The following EYS variants were observed in gnomAD, a reference collection of about 807,000 sequenced individuals.
EYS encodes EGF-like photoreceptor maintenance factor.
EYS carries 250 observed loss-of-function variants against 282.1 expected under a neutral mutation model. That is an observed-to-expected ratio of 0.89 (90% confidence interval 0.80 to 0.98). The LOEUF is 0.98. Ranked by LOEUF, EYS falls within the 50% of genes least tolerant of loss-of-function variation. The probability of loss-of-function intolerance (pLI) is 0.00; values close to 1 mark genes in which losing one functional copy is unlikely to be tolerated. For missense variants in EYS, 4,016 were observed against 3,709.0 expected (o/e 1.08, Z -2.15); for synonymous variants, 1,355 against 1,282.9 (o/e 1.06, Z -1.20).
chr6:65,269,068 C>A (rs1414548348), intron 12 of EYS, among the ~76,000 whole-genome samples: 1 of 152,080 alleles, frequency 6.6e-6, no homozygotes, highest in African/African-American at 2.4e-5. Context: ...CTTGTCATCA[C>A]CCTGATCATT....
intron 34 of EYS, among the ~76,000 whole-genome samples, chr6:63,991,799 C>G (rs1348127688): frequency 6.6e-6 from 1 of 151,718 alleles, no homozygotes; most frequent in Admixed American, 6.6e-5. Context: ...CACTCTGAGA[C>G]ATACTATAGC....
intron 7 of EYS, among the ~76,000 whole-genome samples, chr6:65,389,087 C>T (rs930135753): frequency 2.0e-5 from 3 of 152,120 alleles, no homozygotes; most frequent in Non-Finnish European, 4.4e-5. Context: ...TAACAGGTCT[C>T]TTTGCATGTG....
chr6:65,615,448 CTATA>C (rs1205685419), intron 2 of EYS, among the ~76,000 whole-genome samples: 4 of 149,784 alleles, frequency 2.7e-5, no homozygotes. Flanking sequence ...TATATGTACT[CTATA>C]TATTATCTAT....
chr6:64,893,204 C>G (rs1027776931), intron 18 of EYS, among the ~76,000 whole-genome samples: 1 of 152,002 alleles, frequency 6.6e-6, no homozygotes. Flanking sequence ...TTCCAGTGTT[C>G]ACTTTTGCAG....
intron 26 of EYS, among the ~76,000 whole-genome samples, chr6:64,531,632 C>T (rs950657789): frequency 1.5e-5 from 2 of 133,238 alleles, no homozygotes; most frequent in South Asian, 2.4e-4. Context: ...AGGGTTTCAC[C>T]GTGTTAGCCA....
chr6:64,846,298 G>GAT, intron 19 of EYS, among the ~76,000 whole-genome samples: 1 of 152,144 alleles, frequency 6.6e-6, no homozygotes, highest in East Asian at 1.9e-4. Flanking sequence ...GGAGAATACA[G>GAT]ATTGGTGAAG....
chr6:65,209,909 T>C (rs1766130977), intron 12 of EYS, among the ~76,000 whole-genome samples: 1 of 151,858 alleles, frequency 6.6e-6, no homozygotes, highest in African/African-American at 2.4e-5. Context: ...AGGTTGACTT[T>C]AAGAGAGTAA....
rs540364089 is a variant in EYS at position 65,306,041 on chromosome 6, C to T, written c.1767-9922G>A. The stretch of plus-strand genomic sequence containing the variant: ...CTTGATGTTGGTTTCCTTCATATCA[C>T]CTCAAGGTTTAGATTTGTGAAGGAA... On this transcript the variant is annotated intron_variant, in intron 11 of 42. Transcript: ENST00000503581. Among the ~76,000 whole-genome samples the T allele has an allele frequency of 3.3e-3, 503 of 152,226 alleles. 6 individuals carry two copies. The highest frequency in any genetic ancestry group is 0.012 in the African/African-American group (482 of 41,520).
rs188074790 is a variant in EYS at position 64,045,650 on chromosome 6, T to C, written c.6725+20688A>G. ...TTAGTAGAGACGGGGTTTCACCATG[T>C]TGGCCAGTCTAGTCTCAAACTCCTG... On this transcript the variant is annotated intron_variant, in intron 33 of 42. Coordinates refer to ENST00000503581, the MANE Select transcript of EYS (RefSeq NM_001142800.2). 6.8e-3 allele frequency among the ~76,000 whole-genome samples: 1,030 copies of C among 150,842 alleles called. 10 individuals are homozygous for C. Among genetic ancestry groups the C allele is most frequent in the African/African-American group, 0.024 (979 of 41,342 alleles).
chr6:64,095,340 T>TCATTAGACACCCC (rs1221196322), intron 31 of EYS, among the ~76,000 whole-genome samples: 14 of 152,182 alleles, frequency 9.2e-5, no homozygotes, highest in Non-Finnish European at 1.8e-4. Flanking sequence ...ATCTGTCTAA[T>TCATTAGACACCCC]GTTGACAGTG....
chr6:65,124,699 C>T (rs532937113), intron 12 of EYS, among the ~76,000 whole-genome samples: 1 of 152,222 alleles, frequency 6.6e-6, no homozygotes, highest in African/African-American at 2.4e-5. Context: ...CAGAATTACA[C>T]AAATCTTGTA....
intron 12 of EYS, among the ~76,000 whole-genome samples, chr6:65,284,076 C>A (rs1481499915): frequency 2.6e-5 from 4 of 152,066 alleles, no homozygotes; most frequent in East Asian, 1.9e-4. Context: ...GGAGCGATTG[C>A]TTTCTCACCT....
chr6:65,489,483 C>T (rs1030755811), intron 5 of EYS: 1 of 152,100 alleles, frequency 6.6e-6, no homozygotes, highest in Non-Finnish European at 1.5e-5. Flanking sequence ...ACAACAGATG[C>T]TAGAGAGGTT....
intron 22 of EYS, among the ~76,000 whole-genome samples, chr6:64,645,094 C>A (rs1400001497): frequency 6.6e-6 from 1 of 152,152 alleles, no homozygotes; most frequent in Non-Finnish European, 1.5e-5. Flanking sequence ...AGCTAAATTT[C>A]TTTGGAAAAC....
chr6:64,983,813 C>T (rs79431425), intron 14 of EYS, among the ~76,000 whole-genome samples: 3 of 151,130 alleles, frequency 2.0e-5, no homozygotes, highest in South Asian at 4.2e-4. Flanking sequence ...ATCTCCTGTA[C>T]GCTAGTCCTT....
Position 65,166,040 on chromosome 6 carries a change from TAA to T in EYS, c.2024-108315_2024-108314del, listed in dbSNP as rs1376859683. Reference sequence around the variant, plus strand: ...AAAATAAATATAATCAAAAGTAATATAAGAGCTATATACTGTAAACTACAAAC... The same window carrying T: ...AAAATAAATATAATCAAAAGTAATATGAGCTATATACTGTAAACTACAAAC... On this transcript the variant is annotated intron_variant, in intron 12 of 42. Coordinates refer to ENST00000503581, the MANE Select transcript of EYS (RefSeq NM_001142800.2). Among the ~76,000 whole-genome samples, 5 of 151,240 alleles carry T rather than the reference TAA, an allele frequency of 3.3e-5. No individual in the cohort carries two copies. In the East Asian group the frequency reaches 7.8e-4, roughly 24 times the overall value.
chr6:63,838,941 A>G (rs1771879383), intron 36 of EYS, among the ~76,000 whole-genome samples: 1 of 152,186 alleles, frequency 6.6e-6, no homozygotes, highest in Admixed American at 6.5e-5. Flanking sequence ...TTTTAAATTG[A>G]TACATGATAA....
At chr6:63,862,047 A>G (rs1348595140) in intron 36 of EYS, among the ~76,000 whole-genome samples, 2 of 151,968 alleles carry the variant, frequency 1.3e-5, no homozygotes, top group Non-Finnish European at 2.9e-5. Context: ...CAAACCTTCT[A>G]CCTGGATAGT....
intron 2 of EYS, among the ~76,000 whole-genome samples, chr6:65,499,577 A>C (rs1365160972): frequency 6.6e-6 from 1 of 151,994 alleles, no homozygotes; most frequent in Non-Finnish European, 1.5e-5. Context: ...AAAGAGGAAA[A>C]TTAGAAATAG....
Sources: allele counts gnomAD v4.1 joint callset (sites outside exome capture counted in the v4.1 genomes callset), GRCh38; gene constraint gnomAD v4.1.1; transcripts MANE v1.5; gene names NCBI Gene and HGNC (gene_info 2026-07-23, HGNC 2026-07-21).